RFX8: variants seen among roughly 807,000 people sequenced by gnomAD.
RFX8 encodes regulatory factor X8.
In RFX8, 46 loss-of-function variants were observed where a neutral mutation model predicts 54.6. The ratio of observed to expected loss-of-function variants is 0.84; its 90% CI spans 0.67 to 1.08. The LOEUF is 1.08. Among genes scored for constraint, RFX8 ranks in the 50% least tolerant of loss-of-function variants. RFX8 has a pLI of 0.00. For missense variants in RFX8, 536 were observed against 562.3 expected (o/e 0.95, Z 0.47); for synonymous variants, 192 against 209.5 (o/e 0.92, Z 0.72).
At position 101,440,950 on chromosome 2, in the gene RFX8, T is replaced by A. The variant is rs187817380; in HGVS notation, c.73-18478A>T. ...TTATGGTTTGAATATTTGTCCCCTCTGAAACCCATGTTGAAATTTTTTTTT... is the reference window on the plus strand; with the variant it reads ...TTATGGTTTGAATATTTGTCCCCTCAGAAACCCATGTTGAAATTTTTTTTT... On this transcript the variant is annotated intron_variant, in intron 2 of 11. Coordinates refer to ENST00000428343, the MANE Select transcript of RFX8 (RefSeq NM_001145664.2). Among the ~76,000 whole-genome samples the A allele has an allele frequency of 3.1e-3, 460 of 148,366 alleles. 4 individuals are homozygous for A. Among genetic ancestry groups the A allele is most frequent in the Non-Finnish European group, 5.0e-3 (339 of 67,348 alleles).
intron 5 of RFX8, among the ~76,000 whole-genome samples, 159 bp downstream of exon 5, chr2:101,418,692 T>C (rs1348222530): frequency 6.6e-6 from 1 of 152,116 alleles, no homozygotes; most frequent in Non-Finnish European, 1.5e-5. Context: ...GAAAACTGAG[T>C]GTTAGGCAGA....
At chr2:101,410,775 G>T in intron 8 of RFX8, 62 bp from the exon 9 acceptor site, 2 of 857,162 alleles carry the variant, frequency 2.3e-6, no homozygotes, top group Non-Finnish European at 3.8e-6. Context: ...TTTCTCTTAG[G>T]TATTTGTGTA....
At chr2:101,452,447 C>T (rs1688736713) in intron 2 of RFX8, 1 of 1,339,616 alleles carries the variant, frequency 7.5e-7, no homozygotes, top group African/African-American at 1.5e-5. Context: ...ATCTCACAAG[C>T]TAAAAGAATA....
intron 10 of RFX8, among the ~76,000 whole-genome samples, chr2:101,403,432 G>A (rs1322157773): frequency 1.3e-5 from 2 of 152,162 alleles, no homozygotes; most frequent in Non-Finnish European, 2.9e-5. Flanking sequence ...CTGGCCTATT[G>A]CAATTGTTAA....
At chr2:101,449,738 C>T (rs1159039631) in intron 2 of RFX8, among the ~76,000 whole-genome samples, 1 of 151,992 alleles carries the variant, frequency 6.6e-6, no homozygotes, top group Non-Finnish European at 1.5e-5. Context: ...AGGAGTCATC[C>T]ACCTGCAGGA....
intron 2 of RFX8, among the ~76,000 whole-genome samples, chr2:101,462,153 C>T (rs1303080440): frequency 6.6e-6 from 1 of 152,086 alleles, no homozygotes; most frequent in Non-Finnish European, 1.5e-5. Flanking sequence ...AGGCTGGGCG[C>T]GGTGGCTCAC....
At chr2:101,464,569 C>G (rs1298876519) in intron 2 of RFX8, among the ~76,000 whole-genome samples, 4 of 152,162 alleles carry the variant, frequency 2.6e-5, no homozygotes, top group Admixed American at 1.3e-4. Flanking sequence ...CCTCCCTTCT[C>G]CATTTAGTCA....
At chr2:101,462,373 T>C (rs1239113717) in intron 2 of RFX8, among the ~76,000 whole-genome samples, 1 of 152,092 alleles carries the variant, frequency 6.6e-6, no homozygotes. Context: ...GAGGTTGCAG[T>C]GAGCCGAGAT....
Position 101,411,667 on chromosome 2 carries a change from G to A in RFX8, c.719-954C>T, listed in dbSNP as rs17804607. Among the ~76,000 whole-genome samples the A allele has an allele frequency of 8.7e-3, 1,331 of 152,224 alleles. 6 individuals are homozygous for A. Among genetic ancestry groups the A allele is most frequent in the Non-Finnish European group, 0.013 (872 of 68,018 alleles). On this transcript the variant is annotated intron_variant, in intron 8 of 11. Coordinates refer to ENST00000428343, the MANE Select transcript of RFX8 (RefSeq NM_001145664.2). ...AATCCTACTAATAGTTCTGAAGCCT[G>A]CCAGATTAGGTGTTAACCTTTTAGT...
rs1554070 is a variant in RFX8 at position 101,413,086 on chromosome 2, G to A, written c.562-15C>T. On this transcript the variant is annotated splice_polypyrimidine_tract_variant and intron_variant, in intron 7 of 11. Coordinates refer to ENST00000428343, the MANE Select transcript of RFX8 (RefSeq NM_001145664.2). ...ATTCGCATAGTCTAAAGATAACAGG[G>A]AGGCATAATACTTAATTCAATCTGG... 0.26 allele frequency: 406,471 copies of A among 1,545,524 alleles called. 55,493 individuals carry two copies. Among genetic ancestry groups the A allele is most frequent in the South Asian group, 0.31 (26,050 of 83,250 alleles).
rs372151837 is a variant in RFX8, at chr2:101,430,525, G to C, written c.73-8053C>G. The stretch of plus-strand genomic sequence containing the variant: ...CATGTGAACAAAGAAAAGAACATGT[G>C]AAGACACAGCGAGAAGGCGGCTGAC... On this transcript the variant is annotated intron_variant, in intron 2 of 11. Transcript: ENST00000428343. Among the ~76,000 whole-genome samples the C allele has an allele frequency of 3.1e-4, 47 of 152,338 alleles. 1 individual carries two copies. Among genetic ancestry groups the C allele is most frequent in the African/African-American group, 1.1e-3 (44 of 41,570 alleles).
chr2:101,456,054 A>T (rs1688948483), intron 2 of RFX8, among the ~76,000 whole-genome samples: 3 of 152,188 alleles, frequency 2.0e-5, no homozygotes, highest in Non-Finnish European at 2.9e-5. Context: ...ATTTTTGTAC[A>T]TTGATTTTGT....
At chr2:101,441,711 C>T (rs935953857) in intron 2 of RFX8, among the ~76,000 whole-genome samples, 4 of 152,118 alleles carry the variant, frequency 2.6e-5, no homozygotes, top group Admixed American at 2.6e-4. Flanking sequence ...TGAACATAGC[C>T]ACTCCTGCTA....
intron 4 of RFX8, 24 bp from the exon 5 acceptor site, chr2:101,418,988 C>T: frequency 7.4e-7 from 1 of 1,344,562 alleles, no homozygotes; most frequent in Non-Finnish European, 1.0e-6. Flanking sequence ...CAGAGCATAT[C>T]GCCAAAACTC....
chr2:101,415,599 A>G (rs535883761), intron 6 of RFX8, among the ~76,000 whole-genome samples: 7 of 139,748 alleles, frequency 5.0e-5, no homozygotes, highest in Non-Finnish European at 1.5e-5. Context: ...AACGCATAGA[A>G]ACAGGTGTTC....
intron 1 of RFX8, among the ~76,000 whole-genome samples, chr2:101,469,909 G>T (rs1689882958): frequency 6.6e-6 from 1 of 152,176 alleles, no homozygotes; most frequent in Non-Finnish European, 1.5e-5. Context: ...TGAGCCCTGT[G>T]TGGCTGCCTT....
chr2:101,427,827 G>C (rs563748621), intron 2 of RFX8, among the ~76,000 whole-genome samples: 3 of 152,326 alleles, frequency 2.0e-5, no homozygotes, highest in East Asian at 3.9e-4. Context: ...CTTAAGTAGA[G>C]GGACTTTGTT....
chr2:101,397,628 G>T lies in RFX8; in HGVS notation c.1342C>A (p.Gln448Lys), dbSNP rs1338811279. 1.9e-6 allele frequency: 3 copies of T among 1,551,138 alleles called. No homozygotes were observed. Among genetic ancestry groups the T allele is most frequent in the East Asian group, 2.4e-5 (1 of 40,876 alleles). The change falls in exon 12 of 12, where the codon CAA becomes AAA. Residue 448 changes from glutamine to lysine, a missense_variant. Coordinates refer to ENST00000428343, the MANE Select transcript of RFX8 (RefSeq NM_001145664.2). ...QEALITLKDGQQFVIQISDVP... is the reference protein window; with the variant it reads ...QEALITLKDGKQFVIQISDVP... ...TCTGATATCTGAATCACAAATTGTT[G>T]TCCATCTTTTAGGGTTATGAGGGCT...
rs1340827082 is a variant in RFX8 at position 101,402,596 on chromosome 2, T to C, written c.1085A>G (p.His362Arg). 1.4e-5 allele frequency: 21 copies of C among 1,551,932 alleles called. No homozygotes were observed. The South Asian group carries it at 1.7e-4, about 12-fold the overall frequency. The change falls in exon 11 of 12, where the codon CAT becomes CGT. Residue 362 changes from histidine (H) to arginine (R), a missense_variant. Transcript: ENST00000428343. ...CTGCGACAGTGAGGAATTCAGAGAA[T>C]GGAAAAGTGCCTGGTCTGGCTGGCC... is the stretch of plus-strand genomic sequence containing the variant. ...TLGQPDQALF[H>R]SLNSSLSQAC...
Sources: allele counts gnomAD v4.1 joint callset (sites outside exome capture counted in the v4.1 genomes callset), GRCh38; gene constraint gnomAD v4.1.1; transcripts MANE v1.5; gene names NCBI Gene and HGNC (gene_info 2026-07-23, HGNC 2026-07-21).